Variants in GRXCR1 observed in about 807,000 individuals in gnomAD.
GRXCR1 encodes the protein glutaredoxin and cysteine rich domain containing 1.
In GRXCR1, 27 loss-of-function variants were observed where a neutral mutation model predicts 27.3. That is an observed-to-expected ratio of 0.99 (90% CI 0.73 to 1.37). The LOEUF (loss-of-function observed/expected upper bound fraction) is 1.37, where lower values mean the gene tolerates loss of function less well. Among genes scored for constraint, GRXCR1 ranks in the 40% most tolerant of loss-of-function variants. GRXCR1 has a pLI of 0.00. For missense variants in GRXCR1, 379 were observed against 354.4 expected (o/e 1.07, Z -0.56); for synonymous variants, 122 against 131.1 (o/e 0.93, Z 0.47).
At position 42,970,424 on chromosome 4, in the gene GRXCR1, C is replaced by A. The variant is rs376775321; in HGVS notation, c.627+7290C>A. ...TCTGGCTGACTTCTACCTGGACATCCAGGCGTTTCCTTATATCCTCTGAAA... is the reference window on the plus strand; with the variant it reads ...TCTGGCTGACTTCTACCTGGACATCAAGGCGTTTCCTTATATCCTCTGAAA... On this transcript the variant is annotated intron_variant, in intron 2 of 3. Transcript: ENST00000399770. 4.3e-4 allele frequency among the ~76,000 whole-genome samples: 66 copies of A among 152,292 alleles called. 2 individuals carry two copies. The South Asian group carries it at 9.7e-3, about 22-fold the overall frequency.
chr4:43,010,199 C>A (rs566309409), intron 2 of GRXCR1, among the ~76,000 whole-genome samples: 1 of 152,028 alleles, frequency 6.6e-6, no homozygotes, highest in South Asian at 2.1e-4. Context: ...GTCAGGACTT[C>A]GAGACCAGCT....
chr4:43,022,754 G>T (rs374105046), intron 3 of GRXCR1, among the ~76,000 whole-genome samples: 40 of 152,118 alleles, frequency 2.6e-4, no homozygotes, highest in African/African-American at 9.2e-4. Context: ...ACAAAATACA[G>T]ATCCAAACCG....
intron 1 of GRXCR1, among the ~76,000 whole-genome samples, chr4:42,919,275 A>T (rs1416423739): frequency 6.6e-6 from 1 of 152,042 alleles, no homozygotes; most frequent in Non-Finnish European, 1.5e-5. Flanking sequence ...TTATGTCCCT[A>T]AATCCATGAC....
intron 2 of GRXCR1, among the ~76,000 whole-genome samples, chr4:42,964,319 C>T (rs958464509): frequency 3.3e-5 from 5 of 151,978 alleles, no homozygotes; most frequent in African/African-American, 1.2e-4. Flanking sequence ...TCAGGGTAGT[C>T]TTAGAAATAA....
chr4:42,908,617 A>G (rs1185653226), intron 1 of GRXCR1, among the ~76,000 whole-genome samples: 2 of 152,198 alleles, frequency 1.3e-5, no homozygotes, highest in African/African-American at 4.8e-5. Context: ...TTCTATGCCT[A>G]TTTATAAATG....
intron 1 of GRXCR1, among the ~76,000 whole-genome samples, chr4:42,912,977 T>C (rs1442970106): frequency 6.6e-6 from 1 of 152,148 alleles, no homozygotes; most frequent in Non-Finnish European, 1.5e-5. Context: ...GGGTTTCCCT[T>C]TTCACTTGGC....
At chr4:42,983,631 G>A (rs1056498821) in intron 2 of GRXCR1, among the ~76,000 whole-genome samples, 4 of 152,016 alleles carry the variant, frequency 2.6e-5, no homozygotes, top group Admixed American at 6.6e-5. Context: ...CATTGAATCT[G>A]TAAATTACCT....
At chr4:42,969,686 G>A (rs909370828) in intron 2 of GRXCR1, among the ~76,000 whole-genome samples, 1 of 152,012 alleles carries the variant, frequency 6.6e-6, no homozygotes, top group African/African-American at 2.4e-5. Context: ...CTCCCATCAG[G>A]TCCCTCCCTG....
intron 1 of GRXCR1, among the ~76,000 whole-genome samples, chr4:42,925,350 G>A (rs555671151): frequency 3.9e-5 from 6 of 152,120 alleles, no homozygotes; most frequent in African/African-American, 1.4e-4. Context: ...TTTCATGTTT[G>A]TATTACTCAA....
At chr4:42,998,867 T>TA (rs1304009847) in intron 2 of GRXCR1, among the ~76,000 whole-genome samples, 1 of 152,218 alleles carries the variant, frequency 6.6e-6, no homozygotes, top group Non-Finnish European at 1.5e-5. Flanking sequence ...GAGTTTACTT[T>TA]AAAAAATGAT....
rs75908751 is a variant in GRXCR1 at position 42,963,973 on chromosome 4, A to G, written c.627+839A>G. ...TCATTTTTCAGAGGAGGTTATAAAA[A>G]TCTAGAACAGGAGATGCTCACATTT... On this transcript the variant is annotated intron_variant, in intron 2 of 3. Coordinates refer to ENST00000399770, the MANE Select transcript of GRXCR1 (RefSeq NM_001080476.3). Among the ~76,000 whole-genome samples, 1,049 of 152,078 alleles carry G rather than the reference A, an allele frequency of 6.9e-3. 17 individuals carry two copies. The highest frequency in any genetic ancestry group is 0.062 in the East Asian group (320 of 5,146).
chr4:42,893,782 A>G lies in GRXCR1; in HGVS notation c.384+132A>G, dbSNP rs1012540268. On this transcript the variant is annotated intron_variant, in intron 1 of 3. Coordinates refer to ENST00000399770, the MANE Select transcript of GRXCR1 (RefSeq NM_001080476.3). ...TGCTTCATGAGACGCTCCTCCACCT[A>G]AGATACTGTCCTAACAGCTATCAAT... 4 of 891,298 alleles carry G rather than the reference A, an allele frequency of 4.5e-6. No individual in the cohort carries two copies. In the Admixed American group the frequency reaches 6.9e-5, roughly 15 times the overall value. 55.2% of individuals were successfully genotyped at this position (891,298 alleles called of 1,614,324 possible).
chr4:42,966,345 G>A (rs78133323), intron 2 of GRXCR1, among the ~76,000 whole-genome samples: 67 of 152,194 alleles, frequency 4.4e-4, no homozygotes, highest in African/African-American at 1.5e-3. Context: ...ATGAACCTAA[G>A]TGGGGTCTCT....
At chr4:42,976,471 G>A (rs189628779) in intron 2 of GRXCR1, among the ~76,000 whole-genome samples, 1 of 151,988 alleles carries the variant, frequency 6.6e-6, no homozygotes, top group East Asian at 1.9e-4. Flanking sequence ...GAATTATAAT[G>A]TACACACAGA....
At chr4:42,990,809 G>A (rs1711948123) in intron 2 of GRXCR1, among the ~76,000 whole-genome samples, 1 of 152,024 alleles carries the variant, frequency 6.6e-6, no homozygotes, top group South Asian at 2.1e-4. Context: ...TCTTTGGAAA[G>A]AATATGTAGT....
At chr4:42,916,206 A>G (rs1026182843) in intron 1 of GRXCR1, among the ~76,000 whole-genome samples, 1 of 152,144 alleles carries the variant, frequency 6.6e-6, no homozygotes, top group Non-Finnish European at 1.5e-5. Flanking sequence ...TCAGGAAAAC[A>G]GTAAAGGAAG....
chr4:42,902,829 C>T (rs1746491257), intron 1 of GRXCR1, among the ~76,000 whole-genome samples: 1 of 152,126 alleles, frequency 6.6e-6, no homozygotes, highest in Admixed American at 6.6e-5. Context: ...CACATGTACC[C>T]CTGAACTTAA....
At chr4:42,894,417 CAG>C (rs1418711571) in intron 1 of GRXCR1, among the ~76,000 whole-genome samples, 3 of 152,082 alleles carry the variant, frequency 2.0e-5, no homozygotes, top group African/African-American at 7.2e-5. Context: ...TTGTTAAAAA[CAG>C]ATATCATTAT....
At chr4:42,909,159 G>A (rs1746662553) in intron 1 of GRXCR1, among the ~76,000 whole-genome samples, 1 of 152,114 alleles carries the variant, frequency 6.6e-6, no homozygotes, top group Non-Finnish European at 1.5e-5. Context: ...CCTCTACGTG[G>A]CAACCCTCAT....
Sources: allele counts gnomAD v4.1 joint callset (sites outside exome capture counted in the v4.1 genomes callset), GRCh38; gene constraint gnomAD v4.1.1; transcripts MANE v1.5; gene names NCBI Gene and HGNC (gene_info 2026-07-23, HGNC 2026-07-21).